The following RAP1GDS1 variants were observed in gnomAD, a reference collection of about 807,000 sequenced individuals.
RAP1GDS1 encodes the protein RAP1, GTP-GDP dissociation stimulator 1.
In RAP1GDS1, 35 loss-of-function variants were observed where a neutral mutation model predicts 71.1. The ratio of observed to expected loss-of-function variants is 0.49; its 90% CI spans 0.38 to 0.65. The LOEUF (loss-of-function observed/expected upper bound fraction) is 0.65. Among genes scored for constraint, RAP1GDS1 ranks in the 30% least tolerant of loss-of-function variants. The pLI, the probability that RAP1GDS1 is intolerant of heterozygous loss-of-function variation, is 0.00. For missense variants in RAP1GDS1, 663 were observed against 706.1 expected (o/e 0.94, Z 0.69); for synonymous variants, 229 against 243.1 (o/e 0.94, Z 0.54).
At chr4:98,437,891 T>C (rs1751366863) in intron 14 of RAP1GDS1, among the ~76,000 whole-genome samples, 1 of 151,144 alleles carries the variant, frequency 6.6e-6, no homozygotes. Context: ...CTGAAAAGAG[T>C]GTGTATTATG....
At chr4:98,272,996 C>T (rs548960628) in intron 1 of RAP1GDS1, among the ~76,000 whole-genome samples, 2 of 152,248 alleles carry the variant, frequency 1.3e-5, no homozygotes, top group African/African-American at 4.8e-5. Context: ...AGAGAATGGT[C>T]GACATTGAGT....
At chr4:98,419,362 C>G (rs1578819376) in intron 10 of RAP1GDS1, among the ~76,000 whole-genome samples, 1 of 152,220 alleles carries the variant, frequency 6.6e-6, no homozygotes, top group Non-Finnish European at 1.5e-5. Context: ...CCTTAGGCAT[C>G]TTTAGTTGAG....
At chr4:98,417,950 C>T (rs539495891) in intron 9 of RAP1GDS1, among the ~76,000 whole-genome samples, 2 of 152,048 alleles carry the variant, frequency 1.3e-5, no homozygotes, top group African/African-American at 2.4e-5. Context: ...TTTCAGGGGG[C>T]GCCAGACTTC....
intron 1 of RAP1GDS1, among the ~76,000 whole-genome samples, chr4:98,273,364 G>A (rs947915841): frequency 5.9e-5 from 9 of 151,932 alleles, no homozygotes; most frequent in East Asian, 5.8e-4. Context: ...GTTATGTTGC[G>A]CCAGCCTAAT....
Position 98,404,575 on chromosome 4 carries a change from G to T in RAP1GDS1, c.736G>T (p.Glu246Ter). The change falls in exon 7 of 15, where the codon GAA becomes TAA. Residue 246 changes from glutamate (E) to a stop codon, truncating the protein, a stop_gained. Coordinates refer to ENST00000408927, the MANE Select transcript of RAP1GDS1 (RefSeq NM_001100427.2). LOFTEE classifies it high-confidence loss of function. ...ACATGATAAGAGAGAAATGATTTTT[G>T]AAGTTCTTGCTCCATTGGCAGAAAA... The part of the protein sequence containing the change: ...IEHDKREMIF[E>*]VLAPLAENDA... 6.2e-7 allele frequency: 1 copy of T among 1,603,658 alleles called. No homozygotes were observed. Among genetic ancestry groups the T allele is most frequent in the South Asian group, 1.1e-5 (1 of 88,466 alleles).
intron 2 of RAP1GDS1, among the ~76,000 whole-genome samples, chr4:98,307,749 A>G (rs1729537146): frequency 6.6e-6 from 1 of 152,156 alleles, no homozygotes. Context: ...TCTTCATTAA[A>G]ATGAATTTTT....
At chr4:98,363,885 A>T (rs1739114207) in intron 4 of RAP1GDS1, among the ~76,000 whole-genome samples, 1 of 152,164 alleles carries the variant, frequency 6.6e-6, no homozygotes, top group Non-Finnish European at 1.5e-5. Context: ...GAACTTAGAA[A>T]GTATTTGGAG....
At chr4:98,288,872 G>A (rs1726465564) in intron 1 of RAP1GDS1, among the ~76,000 whole-genome samples, 1 of 152,132 alleles carries the variant, frequency 6.6e-6, no homozygotes, top group South Asian at 2.1e-4. Context: ...GCAAGCATCT[G>A]TAGCCGCAGC....
At chr4:98,313,255 GT>G (rs1386131351) in intron 2 of RAP1GDS1, among the ~76,000 whole-genome samples, 1 of 151,942 alleles carries the variant, frequency 6.6e-6, no homozygotes, top group Non-Finnish European at 1.5e-5. Flanking sequence ...TGTTTATTCT[GT>G]TCAGTTCTTC....
At chr4:98,293,196 A>T (rs1486231154) in intron 1 of RAP1GDS1, among the ~76,000 whole-genome samples, 1 of 152,206 alleles carries the variant, frequency 6.6e-6, no homozygotes, top group Non-Finnish European at 1.5e-5. Flanking sequence ...TCTTACACAT[A>T]GCAGAATGAA....
intron 4 of RAP1GDS1, 30 bp from the exon 5 acceptor site, chr4:98,378,987 T>C: frequency 6.5e-7 from 1 of 1,531,304 alleles, no homozygotes; most frequent in Non-Finnish European, 8.8e-7. Context: ...CTTTTTTCTT[T>C]TATTTTTAAT....
At chr4:98,373,173 T>C (rs1273851379) in intron 4 of RAP1GDS1, among the ~76,000 whole-genome samples, 1 of 152,234 alleles carries the variant, frequency 6.6e-6, no homozygotes, top group Non-Finnish European at 1.5e-5. Flanking sequence ...GAATTATCTC[T>C]TTTATTTGCT....
chr4:98,293,961 G>A (rs1727353930), intron 2 of RAP1GDS1, among the ~76,000 whole-genome samples: 3 of 152,182 alleles, frequency 2.0e-5, no homozygotes, highest in Admixed American at 1.3e-4. Flanking sequence ...TAAAATAATT[G>A]TACCTTAAAA....
At chr4:98,434,295 A>G (rs1270017079) in intron 13 of RAP1GDS1, among the ~76,000 whole-genome samples, 1 of 152,218 alleles carries the variant, frequency 6.6e-6, no homozygotes, top group African/African-American at 2.4e-5. Context: ...TAACTTTTAA[A>G]TAATGTCTCA....
intron 1 of RAP1GDS1, among the ~76,000 whole-genome samples, chr4:98,269,946 T>G (rs1268638243): frequency 6.6e-6 from 1 of 152,178 alleles, no homozygotes; most frequent in Non-Finnish European, 1.5e-5. Flanking sequence ...TTTGTGCTGC[T>G]ATGACAGAAT....
intron 2 of RAP1GDS1, among the ~76,000 whole-genome samples, chr4:98,315,029 G>C (rs1730745937): frequency 6.6e-6 from 1 of 152,160 alleles, no homozygotes; most frequent in Non-Finnish European, 1.5e-5. Context: ...TGTAGTGTCT[G>C]TAGTTTCAGC....
At chr4:98,277,002 T>C (rs997128443) in intron 1 of RAP1GDS1, among the ~76,000 whole-genome samples, 13 of 152,166 alleles carry the variant, frequency 8.5e-5, no homozygotes, top group Admixed American at 8.5e-4. Flanking sequence ...TCTGAGTTCA[T>C]GCCTTTAGTT....
chr4:98,263,955 G>T (rs749923277), intron 1 of RAP1GDS1, among the ~76,000 whole-genome samples: 38 of 152,178 alleles, frequency 2.5e-4, no homozygotes, highest in Admixed American at 1.0e-3. Flanking sequence ...AGGTACATAT[G>T]ATAATTTAAA....
intron 5 of RAP1GDS1, among the ~76,000 whole-genome samples, chr4:98,388,756 C>T (rs893153352): frequency 3.3e-5 from 5 of 151,954 alleles, no homozygotes; most frequent in African/African-American, 1.2e-4. Flanking sequence ...TTAGGTAGTC[C>T]TTTGACACTG....
Sources: gnomAD v4.1 joint callset for allele counts (sites outside exome capture counted in the v4.1 genomes callset) on GRCh38, gnomAD v4.1.1 for gene constraint, MANE v1.5 for transcripts, NCBI Gene and HGNC (gene_info 2026-07-23, HGNC 2026-07-21) for gene names.